The following SMYD3 variants were observed in gnomAD, a reference collection of about 807,000 sequenced individuals.
The protein encoded by SMYD3 is histone-lysine N-methyltransferase SMYD3.
SMYD3 carries 36 observed loss-of-function variants against 57.7 expected under a neutral mutation model. The observed-to-expected ratio is 0.62, with a 90% CI of 0.48 to 0.82. The LOEUF (loss-of-function observed/expected upper bound fraction) is 0.82, where lower values mean the gene tolerates loss of function less well. Ranked by LOEUF, SMYD3 falls within the 40% of genes least tolerant of loss-of-function variation. The pLI is 0.00. For missense variants in SMYD3, 515 were observed against 538.8 expected, an observed-to-expected ratio of 0.96 and a Z score of 0.44; for synonymous variants, 211 against 195.0, an observed-to-expected ratio of 1.08 and a Z score of -0.68.
At chr1:245,972,842 C>A (rs2058334700) in intron 5 of SMYD3, among the ~76,000 whole-genome samples, 1 of 152,252 alleles carries the variant, frequency 6.6e-6, no homozygotes, top group African/African-American at 2.4e-5. Context: ...CCACCTGGTA[C>A]ATACATTACA....
chr1:246,183,839 T>G (rs1026911036), intron 5 of SMYD3, among the ~76,000 whole-genome samples: 2 of 152,140 alleles, frequency 1.3e-5, no homozygotes, highest in South Asian at 4.1e-4. Flanking sequence ...TAAAGTCCTA[T>G]AAAAATGACA....
intron 1 of SMYD3, among the ~76,000 whole-genome samples, chr1:246,383,126 A>G (rs1021083620): frequency 5.3e-5 from 8 of 152,234 alleles, no homozygotes; most frequent in Non-Finnish European, 8.8e-5. Context: ...GCACAAGGCT[A>G]GCCTGCCCAA....
At chr1:245,921,954 A>C (rs550464901) in intron 7 of SMYD3, among the ~76,000 whole-genome samples, 16 of 152,292 alleles carry the variant, frequency 1.1e-4, no homozygotes, top group African/African-American at 3.6e-4. Context: ...CATGCAACAC[A>C]GCTGCACATG....
At chr1:246,070,440 C>T (rs566487622) in intron 5 of SMYD3, among the ~76,000 whole-genome samples, 2 of 152,292 alleles carry the variant, frequency 1.3e-5, no homozygotes, top group African/African-American at 4.8e-5. Flanking sequence ...CAAAATAATG[C>T]GCTTTTAGTT....
intron 7 of SMYD3, among the ~76,000 whole-genome samples, chr1:245,918,834 C>T (rs905720436): frequency 3.3e-5 from 5 of 152,180 alleles, no homozygotes; most frequent in African/African-American, 1.2e-4. Flanking sequence ...TAGTCATCAA[C>T]TCCCATTATC....
intron 1 of SMYD3, among the ~76,000 whole-genome samples, chr1:246,384,482 G>A (rs1056384584): frequency 7.9e-5 from 12 of 151,528 alleles, no homozygotes; most frequent in Admixed American, 5.3e-4. Flanking sequence ...TGCAACCTCC[G>A]CCACCCGGAT....
At position 246,229,092 on chromosome 1, in the gene SMYD3, C is replaced by G. The variant is rs965652769; in HGVS notation, c.531+98109G>C. ...TTTGTTTCACATTCACTAAGGATGA[C>G]TATTACTCTAAATGTTCAATTAGTT... is the stretch of plus-strand genomic sequence containing the variant. On this transcript the variant is annotated intron_variant, in intron 5 of 11. Transcript: ENST00000490107. Among the ~76,000 whole-genome samples the G allele has an allele frequency of 4.6e-5, 7 of 152,146 alleles. No homozygotes were observed. In the East Asian group the frequency reaches 9.6e-4, roughly 21 times the overall value.
intron 5 of SMYD3, among the ~76,000 whole-genome samples, chr1:245,979,967 C>T (rs115608042): frequency 0.012 from 1,829 of 152,366 alleles, 37 homozygotes; most frequent in African/African-American, 0.042. Flanking sequence ...GCTTCTGCGT[C>T]AGACACCAGT....
intron 10 of SMYD3, among the ~76,000 whole-genome samples, chr1:245,781,844 C>T (rs1188947024): frequency 6.6e-6 from 1 of 152,116 alleles, no homozygotes; most frequent in Non-Finnish European, 1.5e-5. Flanking sequence ...TGGCATGCAT[C>T]TGTAATCCCA....
At chr1:246,167,592 C>A (rs903417137) in intron 5 of SMYD3, among the ~76,000 whole-genome samples, 7 of 150,796 alleles carry the variant, frequency 4.6e-5, no homozygotes, top group African/African-American at 1.5e-4. Flanking sequence ...CTCACGGCAA[C>A]CTCTGCCTCC....
intron 5 of SMYD3, among the ~76,000 whole-genome samples, chr1:245,991,180 C>T (rs1231458046): frequency 1.3e-5 from 2 of 152,156 alleles, no homozygotes; most frequent in Non-Finnish European, 2.9e-5. Flanking sequence ...ATTAATTCAA[C>T]ACATAATTTA....
At chr1:245,932,197 T>A (rs921104564) in intron 5 of SMYD3, among the ~76,000 whole-genome samples, 5 of 151,276 alleles carry the variant, frequency 3.3e-5, no homozygotes, top group African/African-American at 1.2e-4. Flanking sequence ...AACTTCTGAA[T>A]CAAACCAGCA....
intron 8 of SMYD3, among the ~76,000 whole-genome samples, chr1:245,902,177 C>T (rs2054231160): frequency 6.6e-6 from 1 of 152,104 alleles, no homozygotes; most frequent in Non-Finnish European, 1.5e-5. Flanking sequence ...AGTGGTACAG[C>T]CAGATATCCA....
At chr1:245,987,346 G>A (rs1432696215) in intron 5 of SMYD3, among the ~76,000 whole-genome samples, 1 of 152,158 alleles carries the variant, frequency 6.6e-6, no homozygotes, top group African/African-American at 2.4e-5. Context: ...GCTGTTGACT[G>A]ATGTAGTCAG....
intron 10 of SMYD3, among the ~76,000 whole-genome samples, chr1:245,789,905 G>GTTTGTTCATTTA (rs1366426420): frequency 2.0e-5 from 3 of 152,210 alleles, no homozygotes; most frequent in Non-Finnish European, 4.4e-5. Context: ...TCATTGACCA[G>GTTTGTTCATTTA]TTTGTTCATT....
chr1:246,043,166 G>T (rs1572934829), intron 5 of SMYD3, among the ~76,000 whole-genome samples: 1 of 152,306 alleles, frequency 6.6e-6, no homozygotes, highest in South Asian at 2.1e-4. Flanking sequence ...GATTAACTCT[G>T]CTTCATCTAC....
chr1:246,485,614 C>CA (rs908057669), intron 1 of SMYD3, among the ~76,000 whole-genome samples: 59 of 151,430 alleles, frequency 3.9e-4, no homozygotes, highest in Non-Finnish European at 7.7e-4. Context: ...AGACCCCCCC[C>CA]CACATCTCTA....
At chr1:246,268,485 G>C (rs953305477) in intron 5 of SMYD3, among the ~76,000 whole-genome samples, 1 of 151,958 alleles carries the variant, frequency 6.6e-6, no homozygotes, top group Non-Finnish European at 1.5e-5. Context: ...AGATCACAAG[G>C]TCAGGAGATC....
intron 1 of SMYD3, among the ~76,000 whole-genome samples, chr1:246,415,285 G>A (rs1471855247): frequency 6.6e-6 from 1 of 152,094 alleles, no homozygotes; most frequent in East Asian, 1.9e-4. Context: ...CCTTCTCTAG[G>A]CTTAGGACCC....
Sources: gnomAD v4.1 joint callset for allele counts (sites outside exome capture counted in the v4.1 genomes callset) on GRCh38, gnomAD v4.1.1 for gene constraint, MANE v1.5 for transcripts, NCBI Gene and HGNC (gene_info 2026-07-23, HGNC 2026-07-21) for gene names.